RARB: variants seen among roughly 807,000 people sequenced by gnomAD.
RARB encodes the protein retinoic acid receptor beta.
Under a neutral mutation model 51.9 loss-of-function variants are expected in RARB, and 17 were observed. The ratio of observed to expected loss-of-function variants is 0.33; its 90% confidence interval spans 0.22 to 0.49. The LOEUF is 0.49. RARB is among the 20% of genes least tolerant of loss of function. The pLI, the probability that RARB is intolerant of heterozygous loss-of-function variation, is 0.99. For missense variants in RARB, 369 were observed against 550.8 expected (o/e 0.67, Z 3.30); for synonymous variants, 215 against 195.4 (o/e 1.10, Z -0.84).
At chr3:25,044,427 T>A (rs1698173811) in intron 2 of RARB, among the ~76,000 whole-genome samples, 1 of 152,084 alleles carries the variant, frequency 6.6e-6, no homozygotes, top group African/African-American at 2.4e-5. Context: ...TGTGTTAAAT[T>A]GTTGAGAGGA....
In RARB at chr3:25,595,930, T is replaced by C. The variant is rs143872884; in HGVS notation, c.1151-490T>C. Among the ~76,000 whole-genome samples the C allele has an allele frequency of 4.6e-5, 7 of 152,334 alleles. No individual in the cohort carries two copies. In the East Asian group the frequency reaches 1.4e-3, roughly 29 times the overall value. On this transcript the variant is annotated intron_variant, in intron 7 of 7. Coordinates refer to ENST00000330688, the MANE Select transcript of RARB (RefSeq NM_000965.5). ...TATTTCCTGAAACTAAGACATCATA[T>C]TTAAACGTCACCATATCTCAGCTGC...
intron 5 of RARB, among the ~76,000 whole-genome samples, chr3:25,296,838 C>T (rs1038486035): frequency 6.6e-6 from 1 of 152,194 alleles, no homozygotes; most frequent in Non-Finnish European, 1.5e-5. Context: ...GTGAGCCAGA[C>T]ATCTCACTTG....
chr3:25,564,288 C>G lies in RARB; in HGVS notation c.449-5470C>G, dbSNP rs372771448. Reference sequence around the variant, plus strand: ...GGATCATAAATATGTTACTTTTATGCCACCAAATCTGATTTGTAGCACTTA... The same window carrying G: ...GGATCATAAATATGTTACTTTTATGGCACCAAATCTGATTTGTAGCACTTA... On this transcript the variant is annotated intron_variant, in intron 3 of 7. Transcript: ENST00000330688. Among the ~76,000 whole-genome samples, 9 of 152,260 alleles carry G rather than the reference C, an allele frequency of 5.9e-5. No individual in the cohort carries two copies. In the East Asian group the frequency reaches 1.7e-3, roughly 29 times the overall value.
intron 5 of RARB, among the ~76,000 whole-genome samples, chr3:25,293,307 T>A (rs1575289467): frequency 1.3e-5 from 2 of 152,160 alleles, no homozygotes; most frequent in Non-Finnish European, 2.9e-5. Flanking sequence ...GTACTCAGTT[T>A]TGTCATTTGT....
chr3:25,574,869 G>A (rs73820548), intron 4 of RARB, among the ~76,000 whole-genome samples: 292 of 152,188 alleles, frequency 1.9e-3, no homozygotes, highest in African/African-American at 6.7e-3. Flanking sequence ...CGGGGAGCTC[G>A]GGCTGCCAGG....
At chr3:25,255,075 C>G (rs532180772) in intron 5 of RARB, among the ~76,000 whole-genome samples, 1 of 152,280 alleles carries the variant, frequency 6.6e-6, no homozygotes, top group African/African-American at 2.4e-5. Context: ...ATCAGGCTTA[C>G]TGACCAGTTT....
intron 5 of RARB, among the ~76,000 whole-genome samples, chr3:25,201,719 A>G (rs538689111): frequency 1.3e-5 from 2 of 152,242 alleles, no homozygotes; most frequent in East Asian, 1.9e-4. Context: ...TTCTGTTTAT[A>G]TGCTGGATTA....
rs1708680362 is a variant in RARB at position 25,441,454 on chromosome 3, C to T, written c.157+12566C>T. ...ACCCCGCCAGTAGAGGGCGCACTCT[C>T]GTGAATGGCTTTTGTGGCCAGTTTC... On this transcript the variant is annotated intron_variant, in intron 1 of 7. Coordinates refer to ENST00000330688, the MANE Select transcript of RARB (RefSeq NM_000965.5). The T allele has an allele frequency of 4.6e-5, 8 of 174,284 alleles. No homozygotes were observed. In the South Asian group the frequency reaches 9.3e-4, roughly 20 times the overall value. The allele number at this position is 174,284 out of a possible 1,614,324, so 10.8% of individuals were successfully genotyped here.
At chr3:24,916,107 T>G (rs1695101015) in intron 2 of RARB, among the ~76,000 whole-genome samples, 1 of 152,078 alleles carries the variant, frequency 6.6e-6, no homozygotes, top group African/African-American at 2.4e-5. Context: ...TTTACTTCTG[T>G]GTAATGAGAG....
chr3:24,832,628 A>ACATAT (rs1559366440), intron 1 of RARB, among the ~76,000 whole-genome samples: 3 of 88,446 alleles, frequency 3.4e-5, no homozygotes, highest in Non-Finnish European at 6.6e-5. Context: ...ATTGAGTCCC[A>ACATAT]ATATATATAT....
chr3:25,195,506 A>C (rs1311850082), intron 5 of RARB, among the ~76,000 whole-genome samples: 1 of 151,974 alleles, frequency 6.6e-6, no homozygotes, highest in African/African-American at 2.4e-5. Flanking sequence ...TCAACTTCTG[A>C]ATTTATTCCA....
chr3:25,403,544 C>A (rs376746974), intron 5 of RARB, among the ~76,000 whole-genome samples: 8 of 152,246 alleles, frequency 5.3e-5, no homozygotes, highest in East Asian at 3.9e-4. Context: ...TCAACTTTGC[C>A]TTTAAACCAG....
intron 2 of RARB, among the ~76,000 whole-genome samples, chr3:24,947,943 A>G (rs868518637): frequency 1.3e-5 from 2 of 151,742 alleles, no homozygotes; most frequent in African/African-American, 2.4e-5. Context: ...TGATGTTACC[A>G]ATTTTTTTTT....
At chr3:25,380,278 A>T (rs937345829) in intron 5 of RARB, among the ~76,000 whole-genome samples, 1 of 152,272 alleles carries the variant, frequency 6.6e-6, no homozygotes, top group East Asian at 1.9e-4. Context: ...TAGAGCTGAC[A>T]TCGTCCATCC....
intron 2 of RARB, among the ~76,000 whole-genome samples, chr3:25,472,761 T>C (rs1695760303): frequency 6.6e-6 from 1 of 152,228 alleles, no homozygotes; most frequent in Non-Finnish European, 1.5e-5. Flanking sequence ...CCTAGTTCAT[T>C]CAGCTTTGAC....
At chr3:24,836,737 G>A (rs1702350470) in intron 1 of RARB, among the ~76,000 whole-genome samples, 1 of 152,140 alleles carries the variant, frequency 6.6e-6, no homozygotes, top group African/African-American at 2.4e-5. Flanking sequence ...GCTCAATAGT[G>A]TTTGTTGAAT....
chr3:25,256,360 C>T (rs1702865101), intron 5 of RARB, among the ~76,000 whole-genome samples: 1 of 152,114 alleles, frequency 6.6e-6, no homozygotes, highest in African/African-American at 2.4e-5. Flanking sequence ...TCATATTGCT[C>T]CCTCAATCTA....
At chr3:25,219,043 G>A (rs1232592838) in intron 5 of RARB, among the ~76,000 whole-genome samples, 2 of 152,092 alleles carry the variant, frequency 1.3e-5, no homozygotes, top group Non-Finnish European at 2.9e-5. Flanking sequence ...CATCATGTGG[G>A]ATCCATTCAT....
intron 5 of RARB, among the ~76,000 whole-genome samples, chr3:25,201,879 G>A (rs1229447777): frequency 6.9e-6 from 1 of 143,958 alleles, no homozygotes; most frequent in East Asian, 2.0e-4. Context: ...CAGGGATATT[G>A]GTCTACAATT....
Sources: gnomAD v4.1 joint callset for allele counts (sites outside exome capture counted in the v4.1 genomes callset) on GRCh38, gnomAD v4.1.1 for gene constraint, MANE v1.5 for transcripts, NCBI Gene and HGNC (gene_info 2026-07-23, HGNC 2026-07-21) for gene names.